TNRC18: variants seen among roughly 807,000 people sequenced by gnomAD.
TNRC18 encodes trinucleotide repeat-containing gene 18 protein.
TNRC18 carries 69 observed loss-of-function variants against 226.7 expected under a neutral mutation model. The observed-to-expected ratio is 0.30, with a 90% CI of 0.25 to 0.37. TNRC18 has a LOEUF of 0.37. Among genes scored for constraint, TNRC18 ranks in the 10% least tolerant of loss-of-function variants. The probability of loss-of-function intolerance (pLI) is 1.00; values close to 1 mark genes in which losing one functional copy is unlikely to be tolerated. For synonymous variants in TNRC18, 2,449 were observed against 1,927.6 expected (o/e 1.27, Z -7.09); for missense variants, 4,754 against 4,256.6 (o/e 1.12, Z -3.25).
In TNRC18 at chr7:5,307,854, A is replaced by G; in HGVS notation, c.*252T>C. ...GAAGGGCCGGTCCGGCCATACCCTG[A>G]TAGCTAAGAGGGGCCCCTGTCCTGG... On this transcript the variant is annotated 3_prime_UTR_variant, in exon 30 of 30. Coordinates refer to ENST00000430969, the MANE Select transcript of TNRC18 (RefSeq NM_001080495.3). 1.8e-6 allele frequency: 1 copy of G among 545,818 alleles called. No individual in the cohort carries two copies. Among genetic ancestry groups the G allele is most frequent in the East Asian group, 3.1e-5 (1 of 32,168 alleles). The allele number at this position is 545,818 out of a possible 1,614,324, so 33.8% of individuals were successfully genotyped here.
chr7:5,341,644 AT>A (rs1449452861), intron 18 of TNRC18, among the ~76,000 whole-genome samples: 1 of 148,452 alleles, frequency 6.7e-6, no homozygotes, highest in African/African-American at 2.5e-5. Context: ...CACGCCTGTA[AT>A]CCCAGCTACT....
rs950755614 is a variant in TNRC18 at position 5,354,266 on chromosome 7, C to T, written c.5195-2172G>A. Among the ~76,000 whole-genome samples the T allele has an allele frequency of 1.3e-3, 192 of 152,102 alleles. 1 individual carries two copies. The highest frequency in any genetic ancestry group is 4.3e-3 in the African/African-American group (179 of 41,510). ...TAAAACGGACATTCCCTCACACGTG[C>T]CAAGAGTGAACACACCAGCTCGGAG... On this transcript the variant is annotated intron_variant, in intron 16 of 29. Coordinates refer to ENST00000430969, the MANE Select transcript of TNRC18 (RefSeq NM_001080495.3).
chr7:5,316,274 C>CTTTT (rs1278896095), intron 24 of TNRC18, among the ~76,000 whole-genome samples: 2,080 of 86,528 alleles, frequency 0.024, 144 homozygotes, highest in Admixed American at 0.061. Context: ...AGAAATGGGT[C>CTTTT]TTTTTTTTTT....
chr7:5,356,681 C>A (rs936707904), intron 16 of TNRC18, among the ~76,000 whole-genome samples: 21 of 152,200 alleles, frequency 1.4e-4, no homozygotes, highest in African/African-American at 4.6e-4. Flanking sequence ...CCACCAATCA[C>A]AAGCACCTGC....
In TNRC18 at chr7:5,377,026, T is replaced by TG. The variant is rs754141771; in HGVS notation, c.2462-34dup. On this transcript the variant is annotated intron_variant, in intron 7 of 29. Coordinates refer to ENST00000430969, the MANE Select transcript of TNRC18 (RefSeq NM_001080495.3). This position sits in a 1 kb window ranked among gnomAD's most constrained non-coding sequence, Gnocchi z 5.8. Reference sequence around the variant, plus strand: ...GAGAAGCCCAGGCCTGAGTCAGTGCTGGGAGCCCCCAAGCGGTTTGTCCTC... The same window carrying TG: ...GAGAAGCCCAGGCCTGAGTCAGTGCTGGGGAGCCCCCAAGCGGTTTGTCCTC... The TG allele has an allele frequency of 1.2e-5, 19 of 1,552,584 alleles. No homozygotes were observed. The South Asian group carries it at 2.0e-4, about 17-fold the overall frequency.
rs565671183 is a variant in TNRC18 at position 5,402,540 on chromosome 7, CA to C, written c.188-7946del. ...AGAGCGAGACCCTGTCTCAAAAAGA[CA>C]AAAAAAAAAATTAGAAAATAATATT... is the stretch of plus-strand genomic sequence containing the variant. On this transcript the variant is annotated intron_variant, in intron 2 of 29. Coordinates refer to ENST00000430969, the MANE Select transcript of TNRC18 (RefSeq NM_001080495.3). Among the ~76,000 whole-genome samples the C allele has an allele frequency of 3.4e-3, 459 of 134,084 alleles. 2 individuals carry two copies. Among genetic ancestry groups the C allele is most frequent in the Middle Eastern group, 9.1e-3 (2 of 220 alleles). The allele number at this position is 134,084 out of a possible 152,430, so 88.0% of individuals were successfully genotyped here.
chr7:5,358,295 C>A (rs1792668225), intron 15 of TNRC18, among the ~76,000 whole-genome samples: 1 of 152,162 alleles, frequency 6.6e-6, no homozygotes, highest in Non-Finnish European at 1.5e-5. Flanking sequence ...GCGAAACACG[C>A]AGTTTCAAAG....
At chr7:5,365,321 C>G (rs1468920116) in intron 11 of TNRC18, among the ~76,000 whole-genome samples, 1 of 152,090 alleles carries the variant, frequency 6.6e-6, no homozygotes, top group Non-Finnish European at 1.5e-5. Context: ...CTATGTTTCC[C>G]AGGCTGGTCT....
intron 11 of TNRC18, among the ~76,000 whole-genome samples, chr7:5,367,203 A>G (rs1017178180): frequency 3.9e-5 from 6 of 151,930 alleles, no homozygotes; most frequent in Non-Finnish European, 8.8e-5. Context: ...CGTCTCTACT[A>G]AAAATACAAA....
Position 5,377,346 on chromosome 7 carries a change from G to A in TNRC18, c.2461+25C>T. On this transcript the variant is annotated intron_variant, in intron 7 of 29. Coordinates refer to ENST00000430969, the MANE Select transcript of TNRC18 (RefSeq NM_001080495.3). This position sits in a 1 kb window ranked among gnomAD's most constrained non-coding sequence, Gnocchi z 5.8. Reference sequence around the variant, plus strand: ...CTCCCACCCCTCCCTCAGAGAAGGGGAGAGACCCTGTGCCCCACACTCACC... The same window carrying A: ...CTCCCACCCCTCCCTCAGAGAAGGGAAGAGACCCTGTGCCCCACACTCACC... The A allele has an allele frequency of 1.3e-6, 2 of 1,505,074 alleles. No homozygotes were observed. The highest frequency in any genetic ancestry group is 1.4e-5 in the African/African-American group (1 of 72,476). The allele number at this position is 1,505,074 out of a possible 1,614,324, so 93.2% of individuals were successfully genotyped here. A position where few individuals can be genotyped will look rare whatever the true frequency, so the allele number is the denominator to read the frequency against.
chr7:5,335,170 G>A (rs1057217160), intron 18 of TNRC18, among the ~76,000 whole-genome samples: 1 of 151,708 alleles, frequency 6.6e-6, no homozygotes, highest in African/African-American at 2.4e-5. Context: ...GGGCATGGTG[G>A]CGGGTGCCTA....
intron 9 of TNRC18, 97 bp from the exon 10 acceptor site, chr7:5,374,581 G>T: frequency 7.7e-7 from 1 of 1,300,006 alleles, no homozygotes; most frequent in Non-Finnish European, 1.0e-6. Context: ...CCGAGTCCGA[G>T]GAGAACCTCA....
chr7:5,380,598 T>C (rs1156406158), intron 5 of TNRC18, among the ~76,000 whole-genome samples: 1 of 152,068 alleles, frequency 6.6e-6, no homozygotes, highest in Non-Finnish European at 1.5e-5. Flanking sequence ...CGAGGGCGCC[T>C]GGACACGGGC....
At chr7:5,372,102 C>T (rs1794210836) in intron 10 of TNRC18, among the ~76,000 whole-genome samples, 1 of 150,952 alleles carries the variant, frequency 6.6e-6, no homozygotes, top group African/African-American at 2.4e-5. Flanking sequence ...CAGTCTCGCT[C>T]TGTCACCCAG....
At chr7:5,315,451 G>A (rs535663721) in intron 25 of TNRC18, among the ~76,000 whole-genome samples, 8 of 148,764 alleles carry the variant, frequency 5.4e-5, no homozygotes, top group Non-Finnish European at 8.9e-5. Context: ...TTAAAACAGA[G>A]TCTCGCTCTG....
At chr7:5,362,143 G>A in intron 12 of TNRC18, 110 bp from the exon 13 acceptor site, 3 of 1,363,244 alleles carry the variant, frequency 2.2e-6, no homozygotes, top group Non-Finnish European at 2.0e-6. Context: ...CTGGGAGCTG[G>A]GGCTCGAGTC....
chr7:5,309,343 C>T lies in TNRC18; in HGVS notation c.8414G>A (p.Arg2805His), dbSNP rs1296184913. ...CACGATGGCCTTGTAGAAGAGCTTG[C>T]GGGCCTTGCCCTTCATGCCACGCCG... ...TQRRGMKGKA[R>H]KLFYKAIVRG... The change falls in exon 28 of 30, where the codon CGC becomes CAC. Residue 2805 changes from arginine (R) to histidine (H), a missense_variant. Arg to His is a conservative substitution (Grantham distance 29). Transcript: ENST00000430969. This position sits in a 1 kb window ranked among gnomAD's most constrained non-coding sequence, Gnocchi z 5.7. 1.9e-6 allele frequency: 3 copies of T among 1,613,230 alleles called. No homozygotes were observed. The highest frequency in any genetic ancestry group is 1.3e-5 in the African/African-American group (1 of 74,928).
chr7:5,342,483 G>A (rs1484326435), intron 18 of TNRC18, among the ~76,000 whole-genome samples: 1 of 151,884 alleles, frequency 6.6e-6, no homozygotes, highest in Non-Finnish European at 1.5e-5. Context: ...GGACAACTAT[G>A]AAAGGCTCAA....
At chr7:5,360,125 C>G (rs1038890693) in intron 14 of TNRC18, among the ~76,000 whole-genome samples, 1 of 152,184 alleles carries the variant, frequency 6.6e-6, no homozygotes, top group Non-Finnish European at 1.5e-5. Flanking sequence ...CCGATCTGTA[C>G]TTGGCACTCA....
Sources: gnomAD v4.1 joint callset for allele counts (sites outside exome capture counted in the v4.1 genomes callset) on GRCh38, gnomAD v4.1.1 for gene constraint, Gnocchi (gnomAD v3.1) non-coding constraint, MANE v1.5 for transcripts, NCBI Gene and HGNC (gene_info 2026-07-23, HGNC 2026-07-21) for gene names.